Variants in PRCP observed in about 807,000 individuals in gnomAD.
PRCP encodes the protein lysosomal Pro-X carboxypeptidase.
A neutral mutation model predicts 54.2 loss-of-function variants in PRCP; 46 were observed. The ratio of observed to expected loss-of-function variants is 0.85; its 90% CI spans 0.67 to 1.09. The LOEUF is 1.09. Ranked by LOEUF, PRCP falls within the 50% of genes least tolerant of loss-of-function variation. The pLI is 0.00. For missense variants in PRCP, 613 were observed against 596.8 expected (o/e 1.03, Z -0.28); for synonymous variants, 240 against 212.2 (o/e 1.13, Z -1.14).
intron 8 of PRCP, among the ~76,000 whole-genome samples, chr11:82,833,960 T>C (rs117542369): frequency 6.6e-6 from 1 of 152,294 alleles, no homozygotes; most frequent in East Asian, 1.9e-4. Flanking sequence ...ATGATGATGA[T>C]AATAGTAATG....
intron 6 of PRCP, chr11:82,840,254 A>T (rs1205104172): frequency 1.3e-5 from 2 of 152,104 alleles, no homozygotes; most frequent in Non-Finnish European, 2.9e-5. Context: ...GACTGACTAA[A>T]CAGAGCCAGT....
intron 6 of PRCP, among the ~76,000 whole-genome samples, chr11:82,847,359 A>G (rs574588631): frequency 6.6e-6 from 1 of 152,282 alleles, no homozygotes; most frequent in East Asian, 1.9e-4. Flanking sequence ...AACAGTGAAG[A>G]CCCAAGTTCA....
chr11:82,881,347 C>T (rs943047116), intron 1 of PRCP, among the ~76,000 whole-genome samples: 7 of 152,146 alleles, frequency 4.6e-5, no homozygotes, highest in South Asian at 2.1e-4. Context: ...GACAACCACC[C>T]GTTCAACGTC....
rs547792952 is a variant in PRCP, at chr11:82,832,227, C to A, written c.1274+6160G>T. Among the ~76,000 whole-genome samples, 110 of 152,180 alleles carry A rather than the reference C, an allele frequency of 7.2e-4. No individual in the cohort carries two copies. In the South Asian group the frequency reaches 0.023, roughly 32 times the overall value. ...TGATTTTTAATCCTTTGAATATATA[C>A]CTAGGAATGGGATTGCTGGGTCAAA... is the stretch of plus-strand genomic sequence containing the variant. On this transcript the variant is annotated intron_variant, in intron 8 of 8. Coordinates refer to ENST00000313010, the MANE Select transcript of PRCP (RefSeq NM_005040.4).
At chr11:82,877,572 G>C (rs938188110) in intron 1 of PRCP, among the ~76,000 whole-genome samples, 1 of 152,222 alleles carries the variant, frequency 6.6e-6, no homozygotes, top group Non-Finnish European at 1.5e-5. Context: ...ATAGAGCTTA[G>C]GCTGTGACTT....
intron 6 of PRCP, among the ~76,000 whole-genome samples, chr11:82,844,229 A>T (rs189557315): frequency 3.3e-5 from 5 of 152,298 alleles, no homozygotes; most frequent in African/African-American, 1.2e-4. Flanking sequence ...TACAGCACAG[A>T]GAGGTTAAGA....
At chr11:82,878,008 A>C (rs1464320899) in intron 1 of PRCP, among the ~76,000 whole-genome samples, 3 of 152,168 alleles carry the variant, frequency 2.0e-5, no homozygotes, top group African/African-American at 7.2e-5. Flanking sequence ...ATGGGAACCC[A>C]CCTCTTGCAT....
chr11:82,859,171 T>C (rs961173975), intron 2 of PRCP, among the ~76,000 whole-genome samples: 4 of 152,232 alleles, frequency 2.6e-5, no homozygotes, highest in African/African-American at 9.6e-5. Flanking sequence ...GGAGCATTTC[T>C]TCCTTTCACA....
At chr11:82,850,127 AT>A in intron 4 of PRCP, 56 bp from the exon 5 acceptor site, 1 of 828,214 alleles carries the variant, frequency 1.2e-6, no homozygotes, top group Non-Finnish European at 1.6e-6. Flanking sequence ...ATATATATAT[AT>A]TATATATATG....
chr11:82,847,741 C>T (rs1858841461), intron 6 of PRCP, among the ~76,000 whole-genome samples: 1 of 152,004 alleles, frequency 6.6e-6, no homozygotes, highest in South Asian at 2.1e-4. Flanking sequence ...TACAGGCAGG[C>T]ACCCCTATGC....
At chr11:82,878,506 C>T (rs1320740167) in intron 1 of PRCP, among the ~76,000 whole-genome samples, 1 of 152,172 alleles carries the variant, frequency 6.6e-6, no homozygotes, top group African/African-American at 2.4e-5. Context: ...CCATGCTATT[C>T]TCATGATAGT....
chr11:82,868,912 T>C (rs988066321), intron 1 of PRCP, among the ~76,000 whole-genome samples: 4 of 152,084 alleles, frequency 2.6e-5, no homozygotes, highest in African/African-American at 9.7e-5. Context: ...GATACACGCC[T>C]ATAATCTCAG....
chr11:82,888,052 A>G (rs1032614860), intron 1 of PRCP, among the ~76,000 whole-genome samples: 5 of 152,204 alleles, frequency 3.3e-5, no homozygotes, highest in African/African-American at 9.7e-5. Context: ...GAAGACTCCC[A>G]TATCACATAA....
intron 2 of PRCP, among the ~76,000 whole-genome samples, chr11:82,855,061 T>TAA (rs1189159367): frequency 6.6e-6 from 1 of 151,966 alleles, no homozygotes; most frequent in Non-Finnish European, 1.5e-5. Flanking sequence ...CTGAAAACTA[T>TAA]AAAAAGCCCA....
At chr11:82,888,656 C>T (rs1859924282) in intron 1 of PRCP, among the ~76,000 whole-genome samples, 2 of 152,212 alleles carry the variant, frequency 1.3e-5, no homozygotes, top group Admixed American at 1.3e-4. Context: ...AAAGCACAAA[C>T]TTCTAGCCAC....
chr11:82,854,707 A>C (rs1859039814), intron 2 of PRCP, among the ~76,000 whole-genome samples: 2 of 142,872 alleles, frequency 1.4e-5, no homozygotes, highest in African/African-American at 5.7e-5. Flanking sequence ...AAAAACTTGA[A>C]TCACCAAAGC....
intron 1 of PRCP, among the ~76,000 whole-genome samples, chr11:82,892,778 G>T (rs968532621): frequency 3.3e-5 from 5 of 152,198 alleles, no homozygotes; most frequent in African/African-American, 9.7e-5. Flanking sequence ...CTGTGTGTTG[G>T]AGTCAGATGA....
chr11:82,831,710 T>C (rs1342973395), intron 8 of PRCP, among the ~76,000 whole-genome samples: 2 of 152,012 alleles, frequency 1.3e-5, no homozygotes, highest in Admixed American at 1.3e-4. Flanking sequence ...ACAGGGCTCC[T>C]TGGACACTTT....
intron 1 of PRCP, among the ~76,000 whole-genome samples, chr11:82,861,230 A>G (rs76134404): frequency 0.12 from 17,703 of 152,166 alleles, 1,966 homozygotes; most frequent in African/African-American, 0.29. Flanking sequence ...TTTGATGGCT[A>G]CGAATAGTCC....
Sources: allele counts gnomAD v4.1 joint callset (sites outside exome capture counted in the v4.1 genomes callset), GRCh38; gene constraint gnomAD v4.1.1; transcripts MANE v1.5; gene names NCBI Gene and HGNC (gene_info 2026-07-23, HGNC 2026-07-21).